Variants in URB1 observed in about 807,000 individuals in gnomAD.
URB1 encodes the protein URB1 ribosome biogenesis factor.
URB1 carries 197 observed loss-of-function variants against 242.3 expected under a neutral mutation model. The observed-to-expected ratio is 0.81, with a 90% CI of 0.72 to 0.91. The LOEUF is 0.91. Among genes scored for constraint, URB1 ranks in the 40% least tolerant of loss-of-function variants. The probability of loss-of-function intolerance (pLI) is 0.00; values close to 1 mark genes in which losing one functional copy is unlikely to be tolerated. For synonymous variants in URB1, 1,153 were observed against 1,201.8 expected (o/e 0.96, Z 0.84); for missense variants, 2,721 against 2,860.5 (o/e 0.95, Z 1.11).
At chr21:32,321,740 T>C in intron 34 of URB1, 61 bp downstream of exon 34, 2 of 1,537,140 alleles carry the variant, frequency 1.3e-6, no homozygotes, top group South Asian at 1.2e-5. Context: ...GACTTCCAGA[T>C]AAAATCTTAA....
In URB1 at chr21:32,361,893, G is replaced by A. The variant is rs373634695; in HGVS notation, c.1638C>T (p.Cys546=). 1.9e-5 allele frequency: 30 copies of A among 1,550,794 alleles called. No homozygotes were observed. Among genetic ancestry groups the A allele is most frequent in the Middle Eastern group, 1.8e-4 (1 of 5,616 alleles). ...GPPAACDAHQ[C]DDAETILLKA... is the part of the protein sequence containing the mutation. ...TCCCCCTCACCCCTGAGACCTTACCGCACTGGTGAGCATCGCAGGCAGCCG... is the reference window on the plus strand; with the variant it reads ...TCCCCCTCACCCCTGAGACCTTACCACACTGGTGAGCATCGCAGGCAGCCG... Residue 546 remains cysteine (C), a splice_region_variant and synonymous_variant, in exon 12 of 39, where the codon TGC becomes TGT. Transcript: ENST00000382751.
rs1355923733 is a variant in URB1, at chr21:32,347,549, G to A, written c.3275C>T (p.Ala1092Val). Residue 1092 changes from alanine (A) to valine (V), a missense_variant, in exon 22 of 39, where the codon GCG becomes GTG. Ala to Val is a moderately conservative substitution (Grantham distance 64, BLOSUM62 0). Transcript: ENST00000382751. The part of the protein sequence containing the change: ...SVLKELQNRR[A>V]GPATSPPKTP... ...CTTTGGTGGTGATGTGGCCGGGCCC[G>A]CCCTCCTGTTCTGAAGTTCCTTCAG... The A allele has an allele frequency of 3.2e-6, 5 of 1,551,018 alleles. No individual in the cohort carries two copies. Among genetic ancestry groups the A allele is most frequent in the African/African-American group, 2.7e-5 (2 of 73,032 alleles).
At chr21:32,374,794 G>A (rs949245497) in intron 6 of URB1, among the ~76,000 whole-genome samples, 5 of 152,184 alleles carry the variant, frequency 3.3e-5, no homozygotes, top group Admixed American at 1.3e-4. Flanking sequence ...TGTCTTCAGA[G>A]ATTGACAAAT....
In URB1 at chr21:32,346,965, G is replaced by T. The variant is rs1199806661; in HGVS notation, c.3859C>A (p.Pro1287Thr). 1 of 1,509,442 alleles carries T rather than the reference G, an allele frequency of 6.6e-7. No homozygotes were observed. Among genetic ancestry groups the T allele is most frequent in the South Asian group, 1.3e-5 (1 of 79,274 alleles). The allele number at this position is 1,509,442 out of a possible 1,614,324, so 93.5% of individuals were successfully genotyped here. A position where few individuals can be genotyped will look rare whatever the true frequency, so the allele number is the denominator to read the frequency against. Reference sequence around the variant, plus strand: ...CTAGCCTTTCCCTTACCTCCTGCTGGGCGTGTGAAGTGGCTCCGTGTCCTG... The same window carrying T: ...CTAGCCTTTCCCTTACCTCCTGCTGTGCGTGTGAAGTGGCTCCGTGTCCTG... ...QCRTRSHFTR[P>T]AGVSSAVIPV... The change falls in exon 22 of 39, where the codon CCA becomes ACA. Residue 1287 changes from proline (P) to threonine (T), a missense_variant. Transcript: ENST00000382751.
chr21:32,335,018 G>A (rs779915441), intron 28 of URB1, among the ~76,000 whole-genome samples: 1 of 151,934 alleles, frequency 6.6e-6, no homozygotes, highest in African/African-American at 2.4e-5. Flanking sequence ...CTGCCCTGCT[G>A]CTGCCCCGCT....
Position 32,338,749 on chromosome 21 carries a change from G to T in URB1, c.4468C>A (p.Leu1490Met), listed in dbSNP as rs374380448. 1 of 1,551,576 alleles carries T rather than the reference G, an allele frequency of 6.4e-7. No homozygotes were observed. The highest frequency in any genetic ancestry group is 1.4e-5 in the African/African-American group (1 of 73,036). The change falls in exon 26 of 39, where the codon CTG (leucine) becomes ATG (methionine). Residue 1490 changes from leucine to methionine, a missense_variant. Transcript: ENST00000382751. ...MQHSLFLPTL[L>M]TSDGEESPDS... ...GGGCTCTCCTCTCCGTCAGACGTCA[G>T]TAGAGTCGGCAGAAACAGCGAGTGC...
At chr21:32,356,788 A>C (rs1032833681) in intron 15 of URB1, among the ~76,000 whole-genome samples, 5 of 152,238 alleles carry the variant, frequency 3.3e-5, no homozygotes, top group African/African-American at 9.6e-5. Flanking sequence ...GCACCAAAGG[A>C]AAGCCTGACT....
chr21:32,339,472 G>GC (rs1276533977), intron 25 of URB1, among the ~76,000 whole-genome samples: 2 of 150,914 alleles, frequency 1.3e-5, no homozygotes, highest in Admixed American at 6.6e-5. Flanking sequence ...GGGATGCAGT[G>GC]CATTTATTTT....
rs777725817 is a variant in URB1, at chr21:32,311,954, C to T, written c.*2964G>A. On this transcript the variant is annotated 3_prime_UTR_variant, in exon 39 of 39. Transcript: ENST00000382751. Reference sequence around the variant, plus strand: ...GTCCCCTCGTCAGGAGCAAGCCCAGCGAGCCTCCCCCTGGAGACAGGACCT... The same window carrying T: ...GTCCCCTCGTCAGGAGCAAGCCCAGTGAGCCTCCCCCTGGAGACAGGACCT... 1.2e-5 allele frequency: 19 copies of T among 1,613,548 alleles called. No individual in the cohort carries two copies. Among genetic ancestry groups the T allele is most frequent in the African/African-American group, 5.3e-5 (4 of 75,060 alleles).
chr21:32,337,053 T>A (rs1030718758), intron 28 of URB1, 41 bp downstream of exon 28: 1 of 1,536,508 alleles, frequency 6.5e-7, no homozygotes, highest in Admixed American at 2.0e-5. Context: ...GAGAGCAGGC[T>A]GTGACCTCAA....
chr21:32,365,338 C>A (rs2033335576), intron 10 of URB1, among the ~76,000 whole-genome samples: 1 of 152,038 alleles, frequency 6.6e-6, no homozygotes, highest in Middle Eastern at 3.2e-3. Context: ...GTAGTCCCAG[C>A]TACTCAGGGG....
rs1807272995 is a variant in URB1, at chr21:32,316,562, G to T, written c.6538C>A (p.Leu2180Met). 1 of 1,551,374 alleles carries T rather than the reference G, an allele frequency of 6.4e-7. No individual in the cohort carries two copies. Among genetic ancestry groups the T allele is most frequent in the Admixed American group, 2.0e-5 (1 of 51,000 alleles). The change falls in exon 38 of 39, where the codon CTG becomes ATG. Residue 2180 changes from leucine to methionine, a missense_variant. Physicochemically the swap from Leu to Met is conservative, Grantham distance 15 (BLOSUM62 2). Coordinates refer to ENST00000382751, the MANE Select transcript of URB1 (RefSeq NM_014825.3). ...CCTGCCCGGCCCTGGGCAGCCACCA[G>T]CTGCAGCATGACCGTATTGAACAGG... ...ACLFNTVMLQ[L>M]VAAQGRAGSP...
At chr21:32,318,228 G>A (rs534344011) in intron 36 of URB1, among the ~76,000 whole-genome samples, 58 of 152,180 alleles carry the variant, frequency 3.8e-4, no homozygotes, top group African/African-American at 1.0e-3. Flanking sequence ...AAGAGCCTGC[G>A]AGGGCTCCAC....
Position 32,378,441 on chromosome 21 carries a change from C to T in URB1, c.664+4G>A, listed in dbSNP as rs2033484345. ...TTTCCTAACGGACAAGGGAGTACAC[C>T]TACCTTTCACTTCCAACACCTGCAC... On this transcript the variant is annotated splice_donor_region_variant and intron_variant, in intron 5 of 38. Coordinates refer to ENST00000382751, the MANE Select transcript of URB1 (RefSeq NM_014825.3). 6.4e-7 allele frequency: 1 copy of T among 1,550,916 alleles called. No homozygotes were observed. The highest frequency in any genetic ancestry group is 1.4e-5 in the African/African-American group (1 of 73,028).
chr21:32,386,419 T>C (rs1407024519), intron 1 of URB1, among the ~76,000 whole-genome samples: 1 of 152,224 alleles, frequency 6.6e-6, no homozygotes, highest in African/African-American at 2.4e-5. Flanking sequence ...TGCCAATGCC[T>C]TGATCGCGGA....
At chr21:32,390,878 A>G (rs2033630202) in intron 1 of URB1, among the ~76,000 whole-genome samples, 2 of 152,204 alleles carry the variant, frequency 1.3e-5, no homozygotes, top group East Asian at 1.9e-4. Flanking sequence ...TATATACCCA[A>G]AGGATTATAA....
At chr21:32,327,182 G>A (rs550145986) in intron 30 of URB1, among the ~76,000 whole-genome samples, 2 of 151,986 alleles carry the variant, frequency 1.3e-5, no homozygotes, top group East Asian at 1.9e-4. Context: ...AAAATCACAC[G>A]AAAGCACATT....
rs2033103831 is a variant in URB1 at position 32,347,419 on chromosome 21, C to T, written c.3405G>A (p.Leu1135=). Residue 1135 remains leucine (L), a synonymous_variant, in exon 22 of 39, where the codon CTG becomes CTA. Coordinates refer to ENST00000382751, the MANE Select transcript of URB1 (RefSeq NM_014825.3). ...LALLSLPETH[L]VTQQPTKSPG... is the part of the protein sequence containing the mutation. ...GGGATTTCGTGGGTTGCTGGGTCAC[C>T]AGGTGTGTCTCAGGCAGGCTCAGCA... 1 of 1,551,352 alleles carries T rather than the reference C, an allele frequency of 6.4e-7. No individual in the cohort carries two copies. Among genetic ancestry groups the T allele is most frequent in the Admixed American group, 2.0e-5 (1 of 50,978 alleles).
intron 5 of URB1, 24 bp from the exon 6 acceptor site, chr21:32,375,507 T>C: frequency 1.5e-6 from 2 of 1,377,904 alleles, no homozygotes; most frequent in South Asian, 2.7e-5. Context: ...TTTCAAAGCA[T>C]TAAATTCAAA....
Sources: allele counts gnomAD v4.1 joint callset (sites outside exome capture counted in the v4.1 genomes callset), GRCh38; gene constraint gnomAD v4.1.1; transcripts MANE v1.5; gene names NCBI Gene and HGNC (gene_info 2026-07-23, HGNC 2026-07-21).